Variants in EPHX3 observed in about 807,000 individuals in gnomAD.
The protein encoded by EPHX3 is epoxide hydrolase 3.
Under a neutral mutation model 40.2 loss-of-function variants are expected in EPHX3, and 39 were observed. That is an observed-to-expected ratio of 0.97 (90% CI 0.75 to 1.27). EPHX3 has a LOEUF of 1.27. Among genes scored for constraint, EPHX3 ranks in the 50% most tolerant of loss-of-function variants. EPHX3 has a pLI of 0.00. For missense variants in EPHX3, 442 were observed against 474.0 expected, an observed-to-expected ratio of 0.93 and a Z score of 0.63; for synonymous variants, 213 against 209.7, an observed-to-expected ratio of 1.02 and a Z score of -0.14.
intron 4 of EPHX3, among the ~76,000 whole-genome samples, chr19:15,229,572 A>C (rs2047137195): frequency 6.8e-6 from 1 of 147,538 alleles, no homozygotes; most frequent in African/African-American, 2.5e-5. Flanking sequence ...ACTGCACTGC[A>C]CAGAGTGAGA....
chr19:15,228,101 C>T lies in EPHX3; in HGVS notation c.617-1G>A, dbSNP rs1280039576. On this transcript the variant is annotated splice_acceptor_variant, in intron 4 of 6. Coordinates refer to ENST00000221730, the MANE Select transcript of EPHX3 (RefSeq NM_024794.3). LOFTEE classifies it high-confidence loss of function. ...TGGCTGATGTGGTGCAGGGAATAGT[C>T]TGGGGTGGGAGGGTTGGGGGAGAGA... The T allele has an allele frequency of 5.9e-6, 3 of 506,276 alleles. No homozygotes were observed. The highest frequency in any genetic ancestry group is 8.2e-6 in the Non-Finnish European group (2 of 245,286). The allele number at this position is 506,276 out of a possible 1,614,324, so 31.4% of individuals were successfully genotyped here. A position where few individuals can be genotyped will look rare whatever the true frequency, so the allele number is the denominator to read the frequency against.
chr19:15,232,738 G>T (rs1320855784), upstream of EPHX3, among the ~76,000 whole-genome samples: 1 of 152,102 alleles, frequency 6.6e-6, no homozygotes, highest in Non-Finnish European at 1.5e-5. Context: ...TTAGCTGGGC[G>T]TGGTGGCGGG....
upstream of EPHX3, among the ~76,000 whole-genome samples, chr19:15,234,066 A>AG: frequency 6.6e-6 from 1 of 151,970 alleles, no homozygotes; most frequent in East Asian, 1.9e-4. Context: ...TCTCAAAAAA[A>AG]AAAAAAAAAG....
At chr19:15,231,170 G>A in intron 3 of EPHX3, 69 bp downstream of exon 3, 13 of 1,612,198 alleles carry the variant, frequency 8.1e-6, no homozygotes, top group Non-Finnish European at 1.1e-5. Context: ...GTTCCAGCAA[G>A]GAGAAAGCGG....
Position 15,228,105 on chromosome 19 carries a change from GGTGGGAGGGTT to G in EPHX3, c.617-16_617-6del. ...TGATGTGGTGCAGGGAATAGTCTGG[GGTGGGAGGGTT>G]GGGGGAGAGATATAAGGCCTGCTCC... On this transcript the variant is annotated splice_region_variant and splice_polypyrimidine_tract_variant and intron_variant, in intron 4 of 6. Transcript: ENST00000221730. 2 of 1,588,422 alleles carry G rather than the reference GGTGGGAGGGTT, an allele frequency of 1.3e-6. No individual in the cohort carries two copies. The highest frequency in any genetic ancestry group is 1.7e-6 in the Non-Finnish European group (2 of 1,158,840).
intron 4 of EPHX3, among the ~76,000 whole-genome samples, chr19:15,229,885 CAA>C (rs546876108): frequency 9.6e-4 from 9 of 9,370 alleles, no homozygotes; most frequent in Admixed American, 2.5e-3. Context: ...GACTCTGTCT[CAA>C]AAAAAAAAAA....
At chr19:15,235,218 T>C (rs1218008364), upstream of EPHX3, among the ~76,000 whole-genome samples, 1 of 152,080 alleles carries the variant, frequency 6.6e-6, no homozygotes, top group Non-Finnish European at 1.5e-5. Flanking sequence ...TTGGCCAGGC[T>C]AGTCTCTTAA....
At chr19:15,228,239 T>A in intron 4 of EPHX3, 139 bp from the exon 5 acceptor site, 1 of 667,064 alleles carries the variant, frequency 1.5e-6, no homozygotes, top group Non-Finnish European at 2.6e-6. Context: ...GTGAAGGTAC[T>A]AGATACCCCT....
chr19:15,228,116 T>TG lies in EPHX3; in HGVS notation c.617-17dup. On this transcript the variant is annotated splice_polypyrimidine_tract_variant and intron_variant, in intron 4 of 6. Transcript: ENST00000221730. ...AGGGAATAGTCTGGGGTGGGAGGGT[T>TG]GGGGGAGAGATATAAGGCCTGCTCC... 2.2e-5 allele frequency: 8 copies of TG among 370,326 alleles called. No homozygotes were observed. Among genetic ancestry groups the TG allele is most frequent in the South Asian group, 6.6e-5 (3 of 45,270 alleles). The allele number at this position is 370,326 out of a possible 1,614,324, so 22.9% of individuals were successfully genotyped here.
intron 2 of EPHX3, 121 bp downstream of exon 2, chr19:15,231,655 C>A (rs2047155096): frequency 1.8e-6 from 2 of 1,123,364 alleles, no homozygotes; most frequent in Non-Finnish European, 2.7e-6. Flanking sequence ...GCTCAGTACC[C>A]CTATCCCCAT....
chr19:15,227,609 C>A lies in EPHX3; in HGVS notation c.911G>T (p.Gly304Val). Residue 304 changes from glycine (G) to valine (V), a missense_variant, in exon 7 of 7, where the codon GGG (glycine) becomes GTG (valine). By Grantham distance (109) the Gly-to-Val change is moderately radical. Coordinates refer to ENST00000221730, the MANE Select transcript of EPHX3 (RefSeq NM_024794.3). Reference protein sequence around the residue: ...ELTTPTLLLWGEKDTYLELGL... With the variant: ...ELTTPTLLLWVEKDTYLELGL... Reference sequence around the variant, plus strand: ...CAGCTCCAAGTAAGTGTCCTTCTCCCCCCACAGCAGCAATGTGGGTGTGGT... The same window carrying A: ...CAGCTCCAAGTAAGTGTCCTTCTCCACCCACAGCAGCAATGTGGGTGTGGT... 6.2e-7 allele frequency: 1 copy of A among 1,614,114 alleles called. No homozygotes were observed. The highest frequency in any genetic ancestry group is 8.5e-7 in the Non-Finnish European group (1 of 1,180,038).
chr19:15,228,023 T>G lies in EPHX3; in HGVS notation c.694A>C (p.Lys232Gln). 1 of 1,609,326 alleles carries G rather than the reference T, an allele frequency of 6.2e-7. No homozygotes were observed. The highest frequency in any genetic ancestry group is 8.5e-7 in the Non-Finnish European group (1 of 1,177,400). Residue 232 changes from lysine to glutamine, a missense_variant, in exon 5 of 7, where the codon AAG (lysine) becomes CAG (glutamine). Coordinates refer to ENST00000221730, the MANE Select transcript of EPHX3 (RefSeq NM_024794.3). Reference sequence around the variant, plus strand: ...TGAAAGTCAGACATAGACAGCAGCTTCTCGGGCAGCCAGGGCAGCTGGAAC... The same window carrying G: ...TGAAAGTCAGACATAGACAGCAGCTGCTCGGGCAGCCAGGGCAGCTGGAAC... ...FLFQLPWLPE[K>Q]LLSMSDFQIL...
upstream of EPHX3, among the ~76,000 whole-genome samples, chr19:15,234,812 C>T (rs1568373803): frequency 6.6e-6 from 1 of 152,194 alleles, no homozygotes; most frequent in African/African-American, 2.4e-5. Context: ...ATAACTAAGT[C>T]CATGAAGTTG....
upstream of EPHX3, chr19:15,235,888 G>A (rs563395976): frequency 6.6e-6 from 1 of 152,258 alleles, no homozygotes; most frequent in South Asian, 2.1e-4. Flanking sequence ...AAGCTGCAGA[G>A]AAAACTATCC....
intron 2 of EPHX3, 44 bp downstream of exon 2, chr19:15,231,732 G>GC: frequency 6.3e-7 from 1 of 1,597,880 alleles, no homozygotes; most frequent in Non-Finnish European, 8.6e-7. Context: ...AGCTCCACCT[G>GC]CCCCCGAGTC....
At chr19:15,235,158 C>T (rs949485211), upstream of EPHX3, among the ~76,000 whole-genome samples, 3 of 152,110 alleles carry the variant, frequency 2.0e-5, no homozygotes, top group Admixed American at 6.6e-5. Context: ...TGTGCTACCG[C>T]GCCCCGCTAA....
In EPHX3 at chr19:15,227,322, C is replaced by A. The variant is rs191607342; in HGVS notation, c.*115G>T. On this transcript the variant is annotated 3_prime_UTR_variant, in exon 7 of 7. Transcript: ENST00000221730. ...GATCCAGGAGTCCCATGCCTATGAG[C>A]GATTCAAGAGTTCACCCATGTATGG... 6.9e-6 allele frequency: 6 copies of A among 863,326 alleles called. No individual in the cohort carries two copies. Among genetic ancestry groups the A allele is most frequent in the Non-Finnish European group, 1.1e-5 (6 of 543,060 alleles). 53.5% of individuals were successfully genotyped at this position (863,326 alleles called of 1,614,324 possible). A position where few individuals can be genotyped will look rare whatever the true frequency, so the allele number is the denominator to read the frequency against.
chr19:15,229,851 C>G (rs2047140211), intron 4 of EPHX3, among the ~76,000 whole-genome samples: 1 of 118,194 alleles, frequency 8.5e-6, no homozygotes, highest in Non-Finnish European at 1.6e-5. Flanking sequence ...CACGCCACTG[C>G]ACTCCAGCCT....
At position 15,227,479 on chromosome 19, in the gene EPHX3, C is replaced by T; in HGVS notation, c.1041G>A (p.Met347Ile). The change falls in exon 7 of 7, where the codon ATG becomes ATA. Residue 347 changes from methionine to isoleucine, a missense_variant. Physicochemically the swap from Met to Ile is conservative, Grantham distance 10 (BLOSUM62 1). Transcript: ENST00000221730. ...GCAAGAAGGCCCACATGTACTGGTGCATCTCCTGGGGGTTGCTCTGTGGGA... is the reference window on the plus strand; with the variant it reads ...GCAAGAAGGCCCACATGTACTGGTGTATCTCCTGGGGGTTGCTCTGTGGGA... ...HWIPQSNPQE[M>I]HQYMWAFLQD... 6.2e-7 allele frequency: 1 copy of T among 1,614,180 alleles called. No individual in the cohort carries two copies.
Sources: gnomAD v4.1 joint callset for allele counts (sites outside exome capture counted in the v4.1 genomes callset) on GRCh38, gnomAD v4.1.1 for gene constraint, MANE v1.5 for transcripts, NCBI Gene and HGNC (gene_info 2026-07-23, HGNC 2026-07-21) for gene names.